Variants in CCDC63 observed in about 807,000 individuals in gnomAD.
The protein encoded by CCDC63 is coiled-coil domain-containing protein 63.
Under a neutral mutation model 63.6 loss-of-function variants are expected in CCDC63, and 54 were observed. That is an observed-to-expected ratio of 0.85 (90% CI 0.68 to 1.07). The LOEUF (loss-of-function observed/expected upper bound fraction) is 1.07, where lower values mean the gene tolerates loss of function less well. Among genes scored for constraint, CCDC63 ranks in the 50% least tolerant of loss-of-function variants. The pLI is 0.00. For synonymous variants in CCDC63, 253 were observed against 266.1 expected, an observed-to-expected ratio of 0.95 and a Z score of 0.48; for missense variants, 637 against 689.6, an observed-to-expected ratio of 0.92 and a Z score of 0.86.
At chr12:110,897,000 C>T (rs1038011203) in intron 9 of CCDC63, among the ~76,000 whole-genome samples, 1 of 152,170 alleles carries the variant, frequency 6.6e-6, no homozygotes, top group Non-Finnish European at 1.5e-5. Context: ...TGTCCTGGGA[C>T]CACACTTTAA....
intron 1 of CCDC63, among the ~76,000 whole-genome samples, chr12:110,850,498 T>C (rs758064763): frequency 1.8e-4 from 28 of 152,280 alleles, no homozygotes; most frequent in Admixed American, 3.9e-4. Context: ...TCCCAGCACT[T>C]TGGGAGGCCG....
chr12:110,883,516 A>G (rs2071236066), intron 7 of CCDC63, among the ~76,000 whole-genome samples: 1 of 152,180 alleles, frequency 6.6e-6, no homozygotes, highest in African/African-American at 2.4e-5. Flanking sequence ...GCTTCTTGAG[A>G]TATTTGTGAA....
At chr12:110,906,015 ATATATAT>A (rs202191438) in intron 11 of CCDC63, among the ~76,000 whole-genome samples, 3,740 of 57,380 alleles carry the variant, frequency 0.065, 364 homozygotes, top group Admixed American at 0.096. Flanking sequence ...ATATAATATA[ATATATAT>A]TATATATTAT....
At chr12:110,852,720 C>T in intron 1 of CCDC63, 139 bp from the exon 2 acceptor site, 2 of 625,232 alleles carry the variant, frequency 3.2e-6, no homozygotes, top group Admixed American at 2.8e-5. Context: ...CACACCCGGG[C>T]AGCCATCTGG....
At chr12:110,857,710 T>C (rs1459351853) in intron 3 of CCDC63, among the ~76,000 whole-genome samples, 3 of 151,970 alleles carry the variant, frequency 2.0e-5, no homozygotes, top group Admixed American at 6.5e-5. Flanking sequence ...CAAATCCCCC[T>C]GTTTTCCCAC....
intron 1 of CCDC63, among the ~76,000 whole-genome samples, chr12:110,851,553 T>A (rs2070705374): frequency 6.6e-6 from 1 of 152,176 alleles, no homozygotes; most frequent in East Asian, 1.9e-4. Flanking sequence ...GATCTGGTGC[T>A]CTGATTCTCC....
chr12:110,880,980 T>A, intron 6 of CCDC63, 135 bp from the exon 7 acceptor site: 1 of 748,210 alleles, frequency 1.3e-6, no homozygotes, highest in Non-Finnish European at 2.0e-6. Flanking sequence ...GGATTGTTTT[T>A]ACACACCGAG....
chr12:110,891,441 T>C (rs574413779), intron 8 of CCDC63, among the ~76,000 whole-genome samples: 1 of 151,846 alleles, frequency 6.6e-6, no homozygotes, highest in Non-Finnish European at 1.5e-5. Flanking sequence ...ACTTGAGCAC[T>C]GGAGTTCAAG....
chr12:110,893,026 G>A (rs2071376307), intron 8 of CCDC63, 50 bp from the exon 9 acceptor site: 1 of 1,447,524 alleles, frequency 6.9e-7, no homozygotes, highest in Non-Finnish European at 9.7e-7. Context: ...TGGGAGCAGT[G>A]GGGAGGGAAG....
chr12:110,858,857 C>A, intron 4 of CCDC63, 82 bp downstream of exon 4: 1 of 1,149,100 alleles, frequency 8.7e-7, no homozygotes, highest in Non-Finnish European at 1.3e-6. Context: ...TGCCTTAGGC[C>A]AGACCTGACA....
intron 5 of CCDC63, among the ~76,000 whole-genome samples, chr12:110,878,009 G>T (rs1360074278): frequency 1.3e-5 from 2 of 151,678 alleles, no homozygotes; most frequent in Non-Finnish European, 2.9e-5. Context: ...GCCCAGCCTT[G>T]ACTTTTTTTT....
Position 110,898,869 on chromosome 12 carries a change from G to A in CCDC63, c.1150-64G>A, listed in dbSNP as rs1438014750. On this transcript the variant is annotated intron_variant, in intron 9 of 11. Transcript: ENST00000308208. ...CAGTTTGGAGACCCTGACCCCAGAG[G>A]GTCCCAAACACCCTGCCCACTGAAA... 12 of 1,359,102 alleles carry A rather than the reference G, an allele frequency of 8.8e-6. No homozygotes were observed. In the East Asian group the frequency reaches 2.3e-4, roughly 26 times the overall value. The allele number at this position is 1,359,102 out of a possible 1,614,324, so 84.2% of individuals were successfully genotyped here.
chr12:110,887,066 T>C (rs2071291613), intron 8 of CCDC63, among the ~76,000 whole-genome samples: 1 of 152,148 alleles, frequency 6.6e-6, no homozygotes, highest in South Asian at 2.1e-4. Context: ...CCAAACTCTT[T>C]TTATAAAAAA....
chr12:110,853,539 T>C lies in CCDC63; in HGVS notation c.144T>C (p.Phe48=). ...AGATGGTGGAAAGCCGGAAGTCTTT[T>C]AAGTTCCGAAACCAGCAGAAGATTG... The part of the protein sequence containing the change: ...FRKMVESRKS[F]KFRNQQKIAS... The change falls in exon 3 of 12, where the codon TTT becomes TTC. Residue 48 remains phenylalanine, a synonymous_variant. Transcript: ENST00000308208. 6.2e-7 allele frequency: 1 copy of C among 1,614,190 alleles called. No homozygotes were observed. The highest frequency in any genetic ancestry group is 8.5e-7 in the Non-Finnish European group (1 of 1,180,032).
intron 10 of CCDC63, among the ~76,000 whole-genome samples, chr12:110,903,586 G>T (rs2071519268): frequency 1.3e-5 from 2 of 152,192 alleles, no homozygotes; most frequent in African/African-American, 4.8e-5. Flanking sequence ...GTCTAGCACG[G>T]TGCATGGCGT....
intron 1 of CCDC63, among the ~76,000 whole-genome samples, chr12:110,851,554 C>T (rs1269551930): frequency 6.6e-6 from 1 of 152,156 alleles, no homozygotes; most frequent in African/African-American, 2.4e-5. Context: ...ATCTGGTGCT[C>T]TGATTCTCCC....
chr12:110,904,825 C>T, intron 11 of CCDC63, 34 bp downstream of exon 11: 3 of 1,540,576 alleles, frequency 1.9e-6, no homozygotes, highest in Non-Finnish European at 2.6e-6. Flanking sequence ...GCACAGGTTG[C>T]TAGGGAACCT....
intron 10 of CCDC63, among the ~76,000 whole-genome samples, chr12:110,901,654 T>A (rs1017098585): frequency 6.6e-6 from 1 of 152,202 alleles, no homozygotes; most frequent in Non-Finnish European, 1.5e-5. Context: ...TTGTTTTTCA[T>A]CCTGCAGATA....
chr12:110,888,285 C>T (rs2071310826), intron 8 of CCDC63, among the ~76,000 whole-genome samples: 1 of 152,114 alleles, frequency 6.6e-6, no homozygotes, highest in Non-Finnish European at 1.5e-5. Context: ...AGTGGGACAC[C>T]GAGGGAGGAC....
Sources: allele counts gnomAD v4.1 joint callset (sites outside exome capture counted in the v4.1 genomes callset), GRCh38; gene constraint gnomAD v4.1.1; transcripts MANE v1.5; gene names NCBI Gene and HGNC (gene_info 2026-07-23, HGNC 2026-07-21).